CCNB1IP1: variants seen among roughly 807,000 people sequenced by gnomAD.
CCNB1IP1 encodes E3 ubiquitin-protein ligase CCNB1IP1.
CCNB1IP1 carries 14 observed loss-of-function variants against 25.6 expected under a neutral mutation model. The observed-to-expected ratio is 0.55, with a 90% CI of 0.36 to 0.85. The LOEUF (loss-of-function observed/expected upper bound fraction) is 0.85, where lower values mean the gene tolerates loss of function less well. Ranked by LOEUF, CCNB1IP1 falls within the 40% of genes least tolerant of loss-of-function variation. The pLI, the probability that CCNB1IP1 is intolerant of heterozygous loss-of-function variation, is 0.01. For missense variants in CCNB1IP1, 278 were observed against 342.4 expected, an observed-to-expected ratio of 0.81 and a Z score of 1.48; for synonymous variants, 119 against 116.1, an observed-to-expected ratio of 1.02 and a Z score of -0.16.
intron 4 of CCNB1IP1, 69 bp from the exon 5 acceptor site, chr14:20,316,629 T>A: frequency 3.8e-6 from 3 of 787,972 alleles, no homozygotes; most frequent in Non-Finnish European, 5.9e-6. Flanking sequence ...AAAAGAAATA[T>A]AACATGCACG....
intron 4 of CCNB1IP1, among the ~76,000 whole-genome samples, chr14:20,325,197 G>A (rs568578825): frequency 9.2e-4 from 139 of 150,784 alleles, no homozygotes; most frequent in South Asian, 4.4e-3. Context: ...CGAGGCGGGC[G>A]GATCACGAGG....
Position 20,316,572 on chromosome 14 carries a change from T to A in CCNB1IP1, c.-37-12A>T. 6.6e-7 allele frequency: 1 copy of A among 1,507,010 alleles called. No individual in the cohort carries two copies. Among genetic ancestry groups the A allele is most frequent in the Non-Finnish European group, 9.0e-7 (1 of 1,109,350 alleles). The allele number at this position is 1,507,010 out of a possible 1,614,324, so 93.4% of individuals were successfully genotyped here. A position where few individuals can be genotyped will look rare whatever the true frequency, so the allele number is the denominator to read the frequency against. ...AGCTGAAGAGAGGCCTAAGAAGGGG[T>A]AAATAAAAAGGCCAAGTAAGTTAAA... On this transcript the variant is annotated splice_polypyrimidine_tract_variant and intron_variant, in intron 4 of 6. Coordinates refer to ENST00000358932, the MANE Select transcript of CCNB1IP1 (RefSeq NM_021178.5).
At position 20,313,457 on chromosome 14, in the gene CCNB1IP1, T is replaced by C; in HGVS notation, c.631+11A>G. 6.4e-7 allele frequency: 1 copy of C among 1,558,960 alleles called. No homozygotes were observed. The highest frequency in any genetic ancestry group is 8.7e-7 in the Non-Finnish European group (1 of 1,152,122). On this transcript the variant is annotated intron_variant, in intron 6 of 6. Transcript: ENST00000358932. ...TTAAAGAACAGACACTTGATACATG[T>C]CCTTTCTTACCTAATGGGAAGCCAA...
chr14:20,319,229 G>A (rs772154518), intron 4 of CCNB1IP1: 1 of 152,222 alleles, frequency 6.6e-6, no homozygotes, highest in Non-Finnish European at 1.5e-5. Context: ...CAAAAACTGT[G>A]CAACTTCCTA....
At chr14:20,323,907 G>C (rs1882979816) in intron 4 of CCNB1IP1, among the ~76,000 whole-genome samples, 2 of 112,592 alleles carry the variant, frequency 1.8e-5, no homozygotes, top group South Asian at 6.1e-4. Flanking sequence ...GACAGAGCGA[G>C]ACTCCGTCTC....
chr14:20,333,008 A>G (rs1174682180), intron 1 of CCNB1IP1: 2 of 152,250 alleles, frequency 1.3e-5, no homozygotes, highest in African/African-American at 4.8e-5. Context: ...AGCACAGTCT[A>G]TTGTTCCTGG....
intron 5 of CCNB1IP1, chr14:20,315,994 G>A (rs1882681690): frequency 1.6e-5 from 8 of 504,048 alleles, no homozygotes; most frequent in East Asian, 3.5e-5. Context: ...GTGTGTGTGT[G>A]TATACCCAAA....
intron 1 of CCNB1IP1, among the ~76,000 whole-genome samples, chr14:20,330,156 A>G (rs1327314088): frequency 6.6e-6 from 1 of 151,648 alleles, no homozygotes; most frequent in Admixed American, 6.6e-5. Context: ...GAGCTGCTGG[A>G]TGCTGCTGGG....
At chr14:20,324,548 C>A (rs6575166) in intron 4 of CCNB1IP1, among the ~76,000 whole-genome samples, 20,025 of 152,108 alleles carry the variant, frequency 0.13, 1,510 homozygotes, top group African/African-American at 0.21. Context: ...AGTACAGAAT[C>A]TAAGAGAAAT....
At chr14:20,313,948 T>C (rs1378807356) in intron 5 of CCNB1IP1, 147 bp from the exon 6 acceptor site, 1 of 567,080 alleles carries the variant, frequency 1.8e-6, no homozygotes, top group East Asian at 2.9e-5. Context: ...GCAATCAGGA[T>C]ACACAATGAG....
chr14:20,332,181 T>C (rs946770389), intron 1 of CCNB1IP1, among the ~76,000 whole-genome samples: 6 of 151,004 alleles, frequency 4.0e-5, no homozygotes, highest in Non-Finnish European at 8.9e-5. Context: ...ATTACAGGCA[T>C]GCGCCGCCAT....
intron 6 of CCNB1IP1, among the ~76,000 whole-genome samples, 176 bp downstream of exon 6, chr14:20,313,292 T>C (rs1882562617): frequency 6.6e-6 from 1 of 152,284 alleles, no homozygotes; most frequent in South Asian, 2.1e-4. Flanking sequence ...TGTAAGCAAA[T>C]ACAATAGATA....
chr14:20,318,271 C>G (rs1233842972), intron 4 of CCNB1IP1: 2 of 152,056 alleles, frequency 1.3e-5, no homozygotes, highest in Non-Finnish European at 2.9e-5. Context: ...GTCAGGAGTT[C>G]CCGACCAGCG....
At chr14:20,313,379 TC>T in intron 6 of CCNB1IP1, 88 bp downstream of exon 6, 1 of 1,036,810 alleles carries the variant, frequency 9.6e-7, no homozygotes, top group South Asian at 1.8e-5. Context: ...CTTATCCTTA[TC>T]GTCTCGACTG....
chr14:20,323,667 G>A (rs567672174), intron 4 of CCNB1IP1, among the ~76,000 whole-genome samples: 1 of 152,090 alleles, frequency 6.6e-6, no homozygotes, highest in Non-Finnish European at 1.5e-5. Flanking sequence ...GGTGGCTCAC[G>A]CCTATAATCC....
intron 6 of CCNB1IP1, 50 bp from the exon 7 acceptor site, chr14:20,311,802 A>C: frequency 8.2e-7 from 1 of 1,220,470 alleles, no homozygotes; most frequent in Non-Finnish European, 1.2e-6. Flanking sequence ...TGTTATCTAT[A>C]TAATCTACTT....
intron 6 of CCNB1IP1, among the ~76,000 whole-genome samples, chr14:20,312,489 G>A (rs548826707): frequency 5.3e-5 from 8 of 151,480 alleles, no homozygotes; most frequent in South Asian, 2.1e-4. Flanking sequence ...GTGCTGGGCC[G>A]CACCTGACCA....
At chr14:20,315,948 TTACTTTTA>T in intron 5 of CCNB1IP1, 1 of 453,540 alleles carries the variant, frequency 2.2e-6, no homozygotes, top group African/African-American at 2.0e-5. Context: ...GTGTGTTATC[TTACTTTTA>T]TACAGAAGAG....
At chr14:20,314,874 G>A (rs1412675415) in intron 5 of CCNB1IP1, among the ~76,000 whole-genome samples, 2 of 151,642 alleles carry the variant, frequency 1.3e-5, no homozygotes, top group African/African-American at 4.8e-5. Flanking sequence ...GGCGGATCAT[G>A]AGGTCAGGAG....
Sources: allele counts gnomAD v4.1 joint callset (sites outside exome capture counted in the v4.1 genomes callset), GRCh38; gene constraint gnomAD v4.1.1; transcripts MANE v1.5; gene names NCBI Gene and HGNC (gene_info 2026-07-23, HGNC 2026-07-21).